The following MYH7B variants were observed in gnomAD, a reference collection of about 807,000 sequenced individuals.
MYH7B encodes the protein myosin heavy chain 7B.
A neutral mutation model predicts 234.5 loss-of-function variants in MYH7B; 205 were observed. The observed-to-expected ratio is 0.87, with a 90% CI of 0.78 to 0.98. The LOEUF is 0.98. MYH7B is among the 50% of genes least tolerant of loss of function. MYH7B has a pLI of 0.00. For missense variants in MYH7B, 2,652 were observed against 2,633.4 expected (o/e 1.01, Z -0.15); for synonymous variants, 1,193 against 1,105.0 (o/e 1.08, Z -1.58).
At chr20:34,960,131 G>C (rs963265223) in intron 2 of MYH7B, among the ~76,000 whole-genome samples, 12 of 152,156 alleles carry the variant, frequency 7.9e-5, no homozygotes, top group Non-Finnish European at 5.9e-5. Context: ...GGTGAAAAAA[G>C]GTATGCAGGG....
chr20:34,999,310 G>A lies in MYH7B; in HGVS notation c.4445G>A (p.Arg1482His), dbSNP rs369750322. 576 of 1,580,166 alleles carry A rather than the reference G, an allele frequency of 3.6e-4. 3 individuals are homozygous for A. The highest frequency in any genetic ancestry group is 4.7e-4 in the Non-Finnish European group (544 of 1,162,216). Residue 1482 changes from arginine to histidine, a missense_variant, in exon 36 of 45, where the codon CGT becomes CAT. Around this residue, in one of 3 missense-constraint regions of MYH7B, gnomAD observed 2,279 missense variants for 2,211.4 expected, o/e 1.03. Coordinates refer to ENST00000262873, the Ensembl canonical transcript of MYH7B. The stretch of plus-strand genomic sequence containing the variant: ...CTGGAGGCGGCACAGAGGGAGTCCC[G>A]TGGCCTGGGCACCGAGCTCTTCCGG...
intron 2 of MYH7B, among the ~76,000 whole-genome samples, chr20:34,959,481 CTTTT>C (rs11467878): frequency 1.4e-5 from 2 of 142,086 alleles, no homozygotes. Flanking sequence ...TTCTTTCTTT[CTTTT>C]TTTTTTTTTT....
At chr20:35,001,445 G>C in exon 43 of MYH7B, 1 of 1,603,014 alleles carries the variant, frequency 6.2e-7, no homozygotes, top group Non-Finnish European at 8.5e-7. Context: ...AGGAGGACAG[G>C]AAGAACCTGG....
intron 27 of MYH7B, among the ~76,000 whole-genome samples, chr20:34,994,748 G>C (rs973661826): frequency 3.3e-5 from 5 of 152,266 alleles, no homozygotes; most frequent in Non-Finnish European, 7.3e-5. Context: ...GATAGCCAGA[G>C]AGCACAGATC....
At chr20:34,971,218 C>A (rs949803713) in intron 2 of MYH7B, among the ~76,000 whole-genome samples, 1 of 152,128 alleles carries the variant, frequency 6.6e-6, no homozygotes, top group South Asian at 2.1e-4. Flanking sequence ...GGCTCAGTTT[C>A]CCCAGCTGTC....
intron 2 of MYH7B, among the ~76,000 whole-genome samples, chr20:34,973,784 G>C (rs2081816340): frequency 6.6e-6 from 1 of 152,176 alleles, no homozygotes. Flanking sequence ...TTGAGAGGGA[G>C]TCTTGCTCTG....
At chr20:34,961,953 C>T (rs1004976035) in intron 2 of MYH7B, among the ~76,000 whole-genome samples, 20 of 152,180 alleles carry the variant, frequency 1.3e-4, no homozygotes, top group Non-Finnish European at 2.5e-4. Flanking sequence ...GCTGCTATGG[C>T]CAGGAGTGGT....
chr20:34,987,786 C>T, exon 18 of MYH7B: 1 of 1,614,222 alleles, frequency 6.2e-7, no homozygotes, highest in Non-Finnish European at 8.5e-7. Context: ...TGTGGGGGCT[C>T]TGGCCAAGGC....
chr20:34,980,939 G>A, intron 8 of MYH7B, 94 bp from the exon 9 acceptor site: 1 of 1,560,814 alleles, frequency 6.4e-7, no homozygotes, highest in South Asian at 1.1e-5. Context: ...GGCTCTGGGT[G>A]GTGGGGTCTG....
chr20:34,995,717 GTTTC>G, intron 28 of MYH7B, 139 bp downstream of exon 28: 6 of 1,358,444 alleles, frequency 4.4e-6, no homozygotes, highest in Admixed American at 2.5e-5. Flanking sequence ...CTGGGCCTCA[GTTTC>G]TTTATCTGTC....
intron 1 of MYH7B, among the ~76,000 whole-genome samples, chr20:34,957,383 T>C (rs1296268041): frequency 6.6e-6 from 1 of 151,296 alleles, no homozygotes; most frequent in Non-Finnish European, 1.5e-5. Context: ...GCAGCAGCTG[T>C]GGAGATGGAG....
At chr20:34,990,115 T>A in exon 21 of MYH7B, 2 of 1,614,104 alleles carry the variant, frequency 1.2e-6, no homozygotes, top group Non-Finnish European at 1.7e-6. Context: ...TCCTGGCGAC[T>A]CTCTATGAGA....
exon 30 of MYH7B, chr20:34,996,712 G>A (rs749187977): frequency 1.2e-6 from 2 of 1,613,548 alleles, no homozygotes. Flanking sequence ...GGAGTCGGTG[G>A]CTGATGCTGC....
chr20:34,996,442 C>T (rs1316287179), exon 29 of MYH7B: 1 of 1,613,524 alleles, frequency 6.2e-7, no homozygotes, highest in Non-Finnish European at 8.5e-7. Flanking sequence ...CCAACAGGCC[C>T]TGGGTGACCT....
At chr20:34,995,998 A>G (rs2082248770) in intron 28 of MYH7B, among the ~76,000 whole-genome samples, 1 of 146,324 alleles carries the variant, frequency 6.8e-6, no homozygotes, top group Admixed American at 6.8e-5. Flanking sequence ...CAGGAGGGAA[A>G]GTGAGGCAGG....
intron 2 of MYH7B, among the ~76,000 whole-genome samples, chr20:34,974,226 C>CT (rs1184689535): frequency 0.04 from 4,952 of 123,324 alleles, 238 homozygotes; most frequent in African/African-American, 0.093. Context: ...CATGCCCAGC[C>CT]TTTTTTTTTT....
intron 10 of MYH7B, among the ~76,000 whole-genome samples, chr20:34,983,279 C>A (rs1453495637): frequency 8.0e-6 from 1 of 125,770 alleles, no homozygotes; most frequent in Non-Finnish European, 1.6e-5. Context: ...TTTCTTTTTT[C>A]TTTCTTTTCT....
At chr20:35,000,642 CAGG>C (rs766216197) in exon 39 of MYH7B, 5 of 1,581,544 alleles carry the variant, frequency 3.2e-6, no homozygotes, top group South Asian at 2.3e-5. Flanking sequence ...ACTGGCAGAG[CAGG>C]AGCTTTTGGA....
chr20:34,997,436 G>A, exon 32 of MYH7B: 1 of 1,472,622 alleles, frequency 6.8e-7, no homozygotes, highest in Non-Finnish European at 8.9e-7. Flanking sequence ...TGGGGAGGCT[G>A]CGGCGGGAGC....
Sources: gnomAD v4.1 joint callset for allele counts (sites outside exome capture counted in the v4.1 genomes callset) on GRCh38, gnomAD v4.1.1 for gene constraint, gnomAD v4.1.1 regional missense constraint, MANE v1.5 for transcripts, NCBI Gene and HGNC (gene_info 2026-07-23, HGNC 2026-07-21) for gene names.